The following KIAA2012 variants were observed in gnomAD, a reference collection of about 807,000 sequenced individuals.
The protein encoded by KIAA2012 is uncharacterized protein KIAA2012.
In KIAA2012, 125 loss-of-function variants were observed where a neutral mutation model predicts 150.6. The ratio of observed to expected loss-of-function variants is 0.83; its 90% CI spans 0.72 to 0.96. KIAA2012 has a LOEUF of 0.96. Among genes scored for constraint, KIAA2012 ranks in the 40% least tolerant of loss-of-function variants. The pLI, the probability that KIAA2012 is intolerant of heterozygous loss-of-function variation, is 0.00. For synonymous variants in KIAA2012, 462 were observed against 504.7 expected, an observed-to-expected ratio of 0.92 and a Z score of 1.13; for missense variants, 1,219 against 1,354.9, an observed-to-expected ratio of 0.90 and a Z score of 1.57.
intron 11 of KIAA2012, among the ~76,000 whole-genome samples, chr2:202,117,465 CTT>C (rs1361131234): frequency 1.3e-5 from 2 of 152,160 alleles, no homozygotes; most frequent in Non-Finnish European, 2.9e-5. Context: ...TAGCCCATCT[CTT>C]AGTAGCTGTT....
chr2:202,096,936 G>A lies in KIAA2012; in HGVS notation c.686-499G>A, dbSNP rs190208922. On this transcript the variant is annotated intron_variant, in intron 4 of 23. Transcript: ENST00000498697. ...AGCTAAACAGCAGTCTTACCTCAGT[G>A]CATTCGGCAGAGGCTTTTCCACAAG... Among the ~76,000 whole-genome samples the A allele has an allele frequency of 1.2e-3, 180 of 152,272 alleles. 1 individual carries two copies. Among genetic ancestry groups the A allele is most frequent in the African/African-American group, 4.1e-3 (171 of 41,550 alleles).
intron 22 of KIAA2012, chr2:202,201,259 A>G (rs1472892271): frequency 6.5e-7 from 1 of 1,536,798 alleles, no homozygotes; most frequent in Non-Finnish European, 8.9e-7. Flanking sequence ...GGCACCAGAA[A>G]GACATCCCAA....
At chr2:202,134,152 G>A (rs569824251) in intron 12 of KIAA2012, among the ~76,000 whole-genome samples, 51 of 152,308 alleles carry the variant, frequency 3.3e-4, no homozygotes, top group African/African-American at 1.2e-3. Context: ...TGCTTTCTGA[G>A]ACCTGTTTGG....
chr2:202,190,140 A>C, intron 18 of KIAA2012, 34 bp from the exon 19 acceptor site: 1 of 1,465,584 alleles, frequency 6.8e-7, no homozygotes, highest in Non-Finnish European at 9.1e-7. Context: ...AAGTTAACTC[A>C]GCTATATCTC....
At chr2:202,172,070 G>A (rs1443248641) in intron 15 of KIAA2012, among the ~76,000 whole-genome samples, 3 of 152,302 alleles carry the variant, frequency 2.0e-5, no homozygotes, top group East Asian at 3.9e-4. Context: ...GCTTACGCCC[G>A]CGTCGGCCTC....
At chr2:202,193,548 G>T (rs1197113569) in intron 20 of KIAA2012, 45 bp downstream of exon 20, 1 of 1,542,436 alleles carries the variant, frequency 6.5e-7, no homozygotes, top group Non-Finnish European at 8.8e-7. Flanking sequence ...TTAGGAAGCA[G>T]AAGAAAAAGA....
At chr2:202,090,707 C>T in intron 2 of KIAA2012, 63 bp from the exon 3 acceptor site, 2 of 1,473,234 alleles carry the variant, frequency 1.4e-6, no homozygotes, top group Non-Finnish European at 1.8e-6. Context: ...TGCTAACCAG[C>T]CTGTATCACT....
intron 2 of KIAA2012, among the ~76,000 whole-genome samples, chr2:202,076,136 T>C (rs1521887): frequency 0.15 from 22,299 of 152,180 alleles, 2,212 homozygotes; most frequent in East Asian, 0.32. Flanking sequence ...TGAAGCCTTC[T>C]CCCACTTGCC....
At chr2:202,080,625 G>A (rs1371996933) in intron 2 of KIAA2012, among the ~76,000 whole-genome samples, 1 of 149,972 alleles carries the variant, frequency 6.7e-6, no homozygotes, top group Non-Finnish European at 1.5e-5. Flanking sequence ...GAACCCAGGA[G>A]GCAAAGGCTG....
chr2:202,198,744 G>A lies in KIAA2012; in HGVS notation c.3407+1725G>A, dbSNP rs953148414. Among the ~76,000 whole-genome samples the A allele has an allele frequency of 7.2e-5, 11 of 152,118 alleles. 1 individual carries two copies. The highest frequency in any genetic ancestry group is 1.7e-4 in the African/African-American group (7 of 41,426). ...GTAAAGAGGCACAACCCCGAAAACC[G>A]TGTGATTCCAACGTTAACTGTAAAT... On this transcript the variant is annotated intron_variant, in intron 22 of 23. Transcript: ENST00000498697.
At chr2:202,138,335 A>G (rs937862242) in intron 12 of KIAA2012, 97 bp from the exon 13 acceptor site, 65 of 808,220 alleles carry the variant, frequency 8.0e-5, no homozygotes, top group Non-Finnish European at 1.2e-4. Flanking sequence ...TTACATACAT[A>G]TGAACTAGGT....
At chr2:202,125,019 G>A (rs56243480) in intron 11 of KIAA2012, among the ~76,000 whole-genome samples, 195 bp from the exon 12 acceptor site, 44,415 of 152,100 alleles carry the variant, frequency 0.29, 6,671 homozygotes, top group South Asian at 0.33. Flanking sequence ...GCAGTGAGCC[G>A]AGATCGTGCC....
intron 13 of KIAA2012, among the ~76,000 whole-genome samples, chr2:202,141,457 A>C (rs1691195829): frequency 6.6e-6 from 1 of 152,124 alleles, no homozygotes; most frequent in Admixed American, 6.5e-5. Context: ...AAAAGGAGAC[A>C]ACCAGACATG....
In KIAA2012 at chr2:202,199,483, A is replaced by G. The variant is rs193136860; in HGVS notation, c.3407+2464A>G. 7.9e-4 allele frequency among the ~76,000 whole-genome samples: 121 copies of G among 152,236 alleles called. No homozygotes were observed. The Middle Eastern group carries it at 0.01, about 13-fold the overall frequency. The stretch of plus-strand genomic sequence containing the variant: ...TTTTTTTTATTTTCAAATCTTCAAA[A>G]TAGTCTTTATTCTACATTTTTAGCA... On this transcript the variant is annotated intron_variant, in intron 22 of 23. Coordinates refer to ENST00000498697, the MANE Select transcript of KIAA2012 (RefSeq NM_001277372.4).
chr2:202,088,685 G>A (rs1260977749), intron 2 of KIAA2012, among the ~76,000 whole-genome samples: 3 of 152,160 alleles, frequency 2.0e-5, no homozygotes, highest in African/African-American at 7.2e-5. Context: ...CAAAAACGAG[G>A]TATTATGTCA....
chr2:202,110,636 C>A (rs1405803793), intron 10 of KIAA2012, among the ~76,000 whole-genome samples: 1 of 152,174 alleles, frequency 6.6e-6, no homozygotes, highest in Admixed American at 6.5e-5. Flanking sequence ...CAGAATCACA[C>A]TCAGGGCTGT....
At chr2:202,096,127 C>T (rs1048476641) in intron 4 of KIAA2012, among the ~76,000 whole-genome samples, 1 of 152,050 alleles carries the variant, frequency 6.6e-6, no homozygotes, top group East Asian at 1.9e-4. Flanking sequence ...TAGTAAGTTT[C>T]ACTTCCTCCA....
rs148008367 is a variant in KIAA2012, at chr2:202,112,366, C to T, written c.1652-970C>T. Among the ~76,000 whole-genome samples the T allele has an allele frequency of 1.1e-3, 161 of 152,334 alleles. 1 individual carries two copies. Among genetic ancestry groups the T allele is most frequent in the African/African-American group, 3.7e-3 (154 of 41,572 alleles). On this transcript the variant is annotated intron_variant, in intron 10 of 23. Coordinates refer to ENST00000498697, the MANE Select transcript of KIAA2012 (RefSeq NM_001277372.4). ...GGAAGCTCGGCACATGCTTGCCCATCTCTTCATATGGCTGTTCACGATATC... is the reference window on the plus strand; with the variant it reads ...GGAAGCTCGGCACATGCTTGCCCATTTCTTCATATGGCTGTTCACGATATC...
intron 15 of KIAA2012, among the ~76,000 whole-genome samples, chr2:202,180,878 T>C (rs1250533727): frequency 1.3e-5 from 2 of 152,196 alleles, no homozygotes; most frequent in Non-Finnish European, 2.9e-5. Flanking sequence ...AAGTTCTTTA[T>C]GGTTATAAAA....
Sources: allele counts gnomAD v4.1 joint callset (sites outside exome capture counted in the v4.1 genomes callset), GRCh38; gene constraint gnomAD v4.1.1; transcripts MANE v1.5; gene names NCBI Gene and HGNC (gene_info 2026-07-23, HGNC 2026-07-21).